ENOX1: variants seen among roughly 807,000 people sequenced by gnomAD.
ENOX1 encodes ecto-NOX disulfide-thiol exchanger 1.
ENOX1 carries 42 observed loss-of-function variants against 82.5 expected under a neutral mutation model. The ratio of observed to expected loss-of-function variants is 0.51; its 90% CI spans 0.40 to 0.66. The LOEUF is 0.66. Among genes scored for constraint, ENOX1 ranks in the 30% least tolerant of loss-of-function variants. ENOX1 has a pLI of 0.00. For missense variants in ENOX1, 608 were observed against 811.6 expected, an observed-to-expected ratio of 0.75 and a Z score of 3.05; for synonymous variants, 271 against 282.2, an observed-to-expected ratio of 0.96 and a Z score of 0.40.
At chr13:43,448,175 G>A (rs184027500) in intron 3 of ENOX1, among the ~76,000 whole-genome samples, 4 of 152,306 alleles carry the variant, frequency 2.6e-5, no homozygotes, top group Non-Finnish European at 5.9e-5. Context: ...CATGAACCTT[G>A]TAAAACATGT....
chr13:43,621,972 T>C (rs1220549890), intron 2 of ENOX1, among the ~76,000 whole-genome samples: 1 of 152,124 alleles, frequency 6.6e-6, no homozygotes, highest in Non-Finnish European at 1.5e-5. Context: ...TTCTTTGTCT[T>C]TGTTGGATTG....
intron 14 of ENOX1, among the ~76,000 whole-genome samples, chr13:43,245,838 T>C (rs751833425): frequency 3.3e-5 from 5 of 152,248 alleles, no homozygotes; most frequent in African/African-American, 4.8e-5. Context: ...TTCTGAGATG[T>C]TCCACCTTAT....
chr13:43,396,950 A>G (rs2053191681), intron 5 of ENOX1, among the ~76,000 whole-genome samples: 1 of 152,212 alleles, frequency 6.6e-6, no homozygotes, highest in South Asian at 2.1e-4. Flanking sequence ...ACCGTGTGAT[A>G]GAGCAGGGTA....
chr13:43,456,309 A>G (rs1487261796), intron 3 of ENOX1, among the ~76,000 whole-genome samples: 2 of 151,878 alleles, frequency 1.3e-5, no homozygotes, highest in African/African-American at 4.8e-5. Flanking sequence ...ATGGCCCTTC[A>G]TTACTCATTT....
At chr13:43,402,184 T>C (rs2053536115) in intron 5 of ENOX1, among the ~76,000 whole-genome samples, 1 of 152,160 alleles carries the variant, frequency 6.6e-6, no homozygotes, top group Non-Finnish European at 1.5e-5. Context: ...ATAACCATGA[T>C]AAAGAAAGAC....
At chr13:43,441,729 C>T (rs1296690892) in intron 3 of ENOX1, among the ~76,000 whole-genome samples, 1 of 152,108 alleles carries the variant, frequency 6.6e-6, no homozygotes, top group East Asian at 1.9e-4. Flanking sequence ...GTCAGCTACA[C>T]CCGCTCTGTA....
intron 1 of ENOX1, among the ~76,000 whole-genome samples, chr13:43,711,858 C>T (rs1318717289): frequency 6.8e-6 from 1 of 147,490 alleles, no homozygotes; most frequent in Admixed American, 6.8e-5. Context: ...AAATTTTTTC[C>T]CATTTTGTAG....
At chr13:43,767,629 A>G (rs1439820605) in intron 1 of ENOX1, among the ~76,000 whole-genome samples, 1 of 152,246 alleles carries the variant, frequency 6.6e-6, no homozygotes, top group Non-Finnish European at 1.5e-5. Flanking sequence ...TACAGCAGAT[A>G]TGCTGTAATG....
At chr13:43,440,958 T>C (rs1003745843) in intron 3 of ENOX1, among the ~76,000 whole-genome samples, 1 of 152,216 alleles carries the variant, frequency 6.6e-6, no homozygotes, top group Non-Finnish European at 1.5e-5. Flanking sequence ...ACACCACCTC[T>C]GTGGTATTCT....
rs752763947 is a variant in ENOX1, at chr13:43,269,530, C to T, written c.1494G>A (p.Leu498=). 4 of 1,613,940 alleles carry T rather than the reference C, an allele frequency of 2.5e-6. No individual in the cohort carries two copies. The South Asian group carries it at 4.4e-5, about 18-fold the overall frequency. The stretch of plus-strand genomic sequence containing the variant: ...GGGACTGCTCTTCCTTTGCTTGTTC[C>T]AATTCTGACTTTTTGTTGTTTAACT... The part of the protein sequence containing the change: ...QEELNNKKSE[L]EQAKEEQSHT... Residue 498 remains leucine (L), a synonymous_variant, in exon 13 of 17, where the codon TTG becomes TTA. Coordinates refer to ENST00000690772, the MANE Select transcript of ENOX1 (RefSeq NM_001347969.2).
chr13:43,318,680 T>C (rs756027914), intron 11 of ENOX1, among the ~76,000 whole-genome samples: 2 of 152,216 alleles, frequency 1.3e-5, no homozygotes, highest in Non-Finnish European at 2.9e-5. Context: ...GGAATATGAA[T>C]TGAAGTCCAC....
At chr13:43,450,691 T>C (rs2056919187) in intron 3 of ENOX1, among the ~76,000 whole-genome samples, 1 of 152,038 alleles carries the variant, frequency 6.6e-6, no homozygotes, top group African/African-American at 2.4e-5. Context: ...TCAGGGCAGG[T>C]AAATAGTGTT....
chr13:43,521,655 T>C (rs1689794256), intron 2 of ENOX1, among the ~76,000 whole-genome samples: 1 of 152,142 alleles, frequency 6.6e-6, no homozygotes, highest in South Asian at 2.1e-4. Flanking sequence ...TGGAAGGTCC[T>C]TGCTTGGAGT....
intron 2 of ENOX1, among the ~76,000 whole-genome samples, chr13:43,493,154 C>G (rs575329068): frequency 5.3e-5 from 8 of 152,182 alleles, no homozygotes; most frequent in East Asian, 1.9e-4. Flanking sequence ...CTCTCTCCCC[C>G]CTCCCACTCC....
At chr13:43,493,390 AGTAACTCTCAC>A in intron 2 of ENOX1, among the ~76,000 whole-genome samples, 1 of 152,218 alleles carries the variant, frequency 6.6e-6, no homozygotes, top group Non-Finnish European at 1.5e-5. Context: ...CCAAGAAAGT[AGTAACTCTCAC>A]ACCAAGCCCA....
At chr13:43,677,935 T>C (rs1401314163) in intron 1 of ENOX1, among the ~76,000 whole-genome samples, 1 of 152,228 alleles carries the variant, frequency 6.6e-6, no homozygotes. Context: ...TACATATTTA[T>C]GTTAGTCTGT....
At chr13:43,552,659 A>G (rs2079253571) in intron 2 of ENOX1, among the ~76,000 whole-genome samples, 2 of 152,130 alleles carry the variant, frequency 1.3e-5, no homozygotes, top group African/African-American at 4.8e-5. Context: ...ACACAGTAGG[A>G]CCAAAATAAG....
intron 2 of ENOX1, among the ~76,000 whole-genome samples, chr13:43,595,411 T>C (rs2081421259): frequency 6.6e-6 from 1 of 152,184 alleles, no homozygotes; most frequent in South Asian, 2.1e-4. Context: ...ATGAACATTT[T>C]ATTTCTTTTT....
intron 2 of ENOX1, among the ~76,000 whole-genome samples, chr13:43,637,103 T>C (rs941699580): frequency 3.3e-5 from 5 of 152,214 alleles, no homozygotes; most frequent in Non-Finnish European, 7.3e-5. Flanking sequence ...CCACATTCTA[T>C]GTGGACCTAA....
Sources: allele counts gnomAD v4.1 joint callset (sites outside exome capture counted in the v4.1 genomes callset), GRCh38; gene constraint gnomAD v4.1.1; transcripts MANE v1.5; gene names NCBI Gene and HGNC (gene_info 2026-07-23, HGNC 2026-07-21).